DIS3L2: variants seen among roughly 807,000 people sequenced by gnomAD.
The protein encoded by DIS3L2 is DIS3 like 3'-5' exoribonuclease 2.
DIS3L2 carries 34 observed loss-of-function variants against 97.5 expected under a neutral mutation model. That is an observed-to-expected ratio of 0.35 (90% CI 0.27 to 0.46). The LOEUF (loss-of-function observed/expected upper bound fraction) is 0.46. DIS3L2 is among the 20% of genes least tolerant of loss of function. The pLI, the probability that DIS3L2 is intolerant of heterozygous loss-of-function variation, is 1.00. For synonymous variants in DIS3L2, 435 were observed against 445.2 expected, an observed-to-expected ratio of 0.98 and a Z score of 0.29; for missense variants, 1,038 against 1,146.0, an observed-to-expected ratio of 0.91 and a Z score of 1.36.
intron 6 of DIS3L2, among the ~76,000 whole-genome samples, chr2:232,117,778 C>T (rs146412852): frequency 3.7e-4 from 56 of 152,364 alleles, no homozygotes; most frequent in African/African-American, 7.5e-4. Context: ...TGAATGCCAC[C>T]TAGTTCGCCA....
intron 14 of DIS3L2, among the ~76,000 whole-genome samples, chr2:232,303,841 T>G (rs1694923258): frequency 6.6e-6 from 1 of 152,218 alleles, no homozygotes; most frequent in South Asian, 2.1e-4. Context: ...TCTGTCATCC[T>G]GTTCTCCTTT....
At position 232,336,617 on chromosome 2, in the gene DIS3L2, C is replaced by G. The variant is rs1168422280; in HGVS notation, c.2645C>G (p.Ser882Ter). The G allele has an allele frequency of 6.2e-7, 1 of 1,603,906 alleles. No homozygotes were observed. The highest frequency in any genetic ancestry group is 2.2e-5 in the East Asian group (1 of 44,704). ...GAGTCTGACGGTGAGCCCGAGGACT[C>G]AAGCACCAGCTGAGCTCCACCAGCC... ...EEESDGEPED[S>*]STS The change falls in exon 21 of 21, where the codon TCA (serine) becomes TGA (stop). Residue 882 changes from serine to a stop codon, truncating the protein, a stop_gained. Transcript: ENST00000325385. LOFTEE classifies it high-confidence loss of function.
intron 13 of DIS3L2, among the ~76,000 whole-genome samples, chr2:232,271,117 A>G (rs535993799): frequency 6.6e-6 from 1 of 152,222 alleles, no homozygotes; most frequent in African/African-American, 2.4e-5. Context: ...CTAAAATTTA[A>G]AACAGCTGAA....
intron 14 of DIS3L2, among the ~76,000 whole-genome samples, chr2:232,304,404 A>G (rs11903728): frequency 0.09 from 13,637 of 152,250 alleles, 773 homozygotes; most frequent in African/African-American, 0.16. Context: ...GACCCAGTGC[A>G]TGCCCTCAGG....
rs752873692 is a variant in DIS3L2, at chr2:232,130,678, A to T, written c.661A>T (p.Thr221Ser). 2 of 1,614,048 alleles carry T rather than the reference A, an allele frequency of 1.2e-6. No individual in the cohort carries two copies. The highest frequency in any genetic ancestry group is 2.2e-5 in the South Asian group (2 of 91,054). ...TGAGACCACCTGCATTTCACAAGAC[A>T]CAAGAGCTTTATCGGAGAAATCCCT... Reference protein sequence around the residue: ...KDETTCISQDTRALSEKSLQR... With the variant: ...KDETTCISQDSRALSEKSLQR... Residue 221 changes from threonine (T) to serine (S), a missense_variant, in exon 7 of 21, where the codon ACA (threonine) becomes TCA (serine). Physicochemically the swap from Thr to Ser is moderately conservative, Grantham distance 58 (BLOSUM62 1). Around this residue, in one of 3 missense-constraint regions of DIS3L2, gnomAD observed 813 missense variants for 880.1 expected, o/e 0.92. Transcript: ENST00000325385.
At chr2:232,171,974 T>C (rs192657865) in intron 9 of DIS3L2, among the ~76,000 whole-genome samples, 131 of 152,346 alleles carry the variant, frequency 8.6e-4, no homozygotes, top group African/African-American at 3.0e-3. Flanking sequence ...TTTATAGCAC[T>C]GTAGAAATAT....
At chr2:232,326,393 G>C (rs1383190716) in intron 14 of DIS3L2, among the ~76,000 whole-genome samples, 1 of 151,974 alleles carries the variant, frequency 6.6e-6, no homozygotes, top group Non-Finnish European at 1.5e-5. Flanking sequence ...GCTGCTGGCA[G>C]CTGGGCTTGG....
intron 1 of DIS3L2, among the ~76,000 whole-genome samples, chr2:231,990,768 A>G (rs1195899406): frequency 1.3e-5 from 2 of 152,204 alleles, no homozygotes; most frequent in East Asian, 3.9e-4. Flanking sequence ...TTATTAGGCA[A>G]GTAATGATAC....
At chr2:232,288,240 C>T (rs1023388428) in intron 13 of DIS3L2, among the ~76,000 whole-genome samples, 2 of 152,188 alleles carry the variant, frequency 1.3e-5, no homozygotes, top group African/African-American at 4.8e-5. Flanking sequence ...AAGTCCTGAA[C>T]TTTGATGGGA....
chr2:232,270,955 T>C (rs138397345), intron 13 of DIS3L2, among the ~76,000 whole-genome samples: 1,816 of 151,610 alleles, frequency 0.012, 27 homozygotes, highest in Middle Eastern at 0.041. Flanking sequence ...CTCTCAGGTG[T>C]CTAGGTCTCT....
chr2:232,066,278 A>G (rs1476408003), intron 5 of DIS3L2, among the ~76,000 whole-genome samples: 1 of 151,972 alleles, frequency 6.6e-6, no homozygotes. Flanking sequence ...TTTTTCATAG[A>G]TGCCCTTTAT....
chr2:232,077,123 T>C (rs1192677719), intron 5 of DIS3L2, among the ~76,000 whole-genome samples: 1 of 152,176 alleles, frequency 6.6e-6, no homozygotes, highest in African/African-American at 2.4e-5. Flanking sequence ...TCAGCCATCC[T>C]TCATGGTTTT....
chr2:232,147,312 C>T (rs924062935), intron 8 of DIS3L2, among the ~76,000 whole-genome samples: 9 of 152,122 alleles, frequency 5.9e-5, no homozygotes, highest in Non-Finnish European at 1.2e-4. Flanking sequence ...TTTAGATTTA[C>T]AGAAAATTGT....
chr2:232,063,223 C>T (rs1695761144), intron 5 of DIS3L2, among the ~76,000 whole-genome samples: 1 of 152,088 alleles, frequency 6.6e-6, no homozygotes, highest in African/African-American at 2.4e-5. Flanking sequence ...TCTAGCTTTT[C>T]TATGTAAAGT....
chr2:231,966,040 A>G (rs1692700185), intron 1 of DIS3L2, among the ~76,000 whole-genome samples: 1 of 152,184 alleles, frequency 6.6e-6, no homozygotes, highest in African/African-American at 2.4e-5. Flanking sequence ...GTTTCATGAA[A>G]TGCTATTGAG....
At chr2:232,313,858 A>AAG (rs1479649573) in intron 14 of DIS3L2, among the ~76,000 whole-genome samples, 1 of 152,252 alleles carries the variant, frequency 6.6e-6, no homozygotes, top group Non-Finnish European at 1.5e-5. Context: ...GCAGCAGGCC[A>AAG]AGAGAGGGCA....
chr2:232,176,447 T>C (rs1475855222), intron 9 of DIS3L2, among the ~76,000 whole-genome samples: 2 of 150,908 alleles, frequency 1.3e-5, no homozygotes, highest in Non-Finnish European at 2.9e-5. Context: ...TTCCTTCTCT[T>C]TTTTTTTAAA....
intron 6 of DIS3L2, among the ~76,000 whole-genome samples, chr2:232,091,090 T>C (rs900042079): frequency 6.6e-6 from 1 of 152,178 alleles, no homozygotes; most frequent in Non-Finnish European, 1.5e-5. Flanking sequence ...CCCTTTGAGA[T>C]TGAACTTTTA....
intron 3 of DIS3L2, among the ~76,000 whole-genome samples, chr2:232,021,821 A>G (rs372296421): frequency 6.6e-6 from 1 of 152,160 alleles, no homozygotes; most frequent in Non-Finnish European, 1.5e-5. Context: ...GGTCCCTGAG[A>G]TACATGGGTT....
Sources: allele counts gnomAD v4.1 joint callset (sites outside exome capture counted in the v4.1 genomes callset), GRCh38; gene constraint gnomAD v4.1.1; regional missense constraint gnomAD v4.1.1; transcripts MANE v1.5; gene names NCBI Gene and HGNC (gene_info 2026-07-23, HGNC 2026-07-21).